Variants in BTLA observed in about 807,000 individuals in gnomAD.
BTLA encodes B and T lymphocyte associated.
A neutral mutation model predicts 25.0 loss-of-function variants in BTLA; 11 were observed. That is an observed-to-expected ratio of 0.44 (90% CI 0.28 to 0.73). The LOEUF (loss-of-function observed/expected upper bound fraction) is 0.73, where lower values mean the gene tolerates loss of function less well. BTLA is among the 30% of genes least tolerant of loss of function. BTLA has a pLI of 0.15. For missense variants in BTLA, 282 were observed against 332.8 expected, an observed-to-expected ratio of 0.85 and a Z score of 1.19; for synonymous variants, 104 against 119.8, an observed-to-expected ratio of 0.87 and a Z score of 0.86.
At chr3:112,474,808 G>A (rs1292351448) in intron 2 of BTLA, among the ~76,000 whole-genome samples, 2 of 152,188 alleles carry the variant, frequency 1.3e-5, no homozygotes, top group African/African-American at 2.4e-5. Context: ...GGCAATGATG[G>A]AGATGTGGTT....
chr3:112,494,098 A>C (rs1478283752), intron 1 of BTLA, among the ~76,000 whole-genome samples: 1 of 152,110 alleles, frequency 6.6e-6, no homozygotes, highest in East Asian at 1.9e-4. Flanking sequence ...CGACAGAGCG[A>C]CACTCTATCT....
At chr3:112,497,528 G>A (rs2082415900) in intron 1 of BTLA, among the ~76,000 whole-genome samples, 1 of 152,188 alleles carries the variant, frequency 6.6e-6, no homozygotes, top group African/African-American at 2.4e-5. Context: ...ATTTCATAGA[G>A]AGTAGTTTAT....
intron 2 of BTLA, among the ~76,000 whole-genome samples, chr3:112,472,929 T>A (rs959281543): frequency 6.6e-6 from 1 of 151,884 alleles, no homozygotes; most frequent in African/African-American, 2.4e-5. Context: ...TGGATAGCAA[T>A]GGGGACTAAG....
At chr3:112,466,421 C>CG in intron 4 of BTLA, 38 bp from the exon 5 acceptor site, 1 of 1,514,066 alleles carries the variant, frequency 6.6e-7, no homozygotes, top group Middle Eastern at 2.1e-4. Flanking sequence ...GTGACACTTA[C>CG]GGCCATGGTA....
rs779558882 is a variant in BTLA at position 112,479,551 on chromosome 3, C to T, written c.307G>A (p.Glu103Lys). The T allele has an allele frequency of 1.2e-6, 2 of 1,614,024 alleles. No homozygotes were observed. Among genetic ancestry groups the T allele is most frequent in the Non-Finnish European group, 1.7e-6 (2 of 1,179,926 alleles). ...CCATTGTCATTAGGAAGCACTGGTT[C>T]AAAATGTAGAATGAAAAATGAAATG... ...KNISFFILHF[E>K]PVLPNDNGSY... The change falls in exon 2 of 5, where the codon GAA becomes AAA. Residue 103 changes from glutamate to lysine, a missense_variant. Transcript: ENST00000334529.
chr3:112,469,601 G>T (rs1275348435), intron 4 of BTLA, among the ~76,000 whole-genome samples, 157 bp downstream of exon 4: 1 of 61,710 alleles, frequency 1.6e-5, no homozygotes, highest in African/African-American at 6.6e-5. Context: ...TTAAAAATGG[G>T]TCTATGTATA....
At chr3:112,469,151 A>G (rs1452366723) in intron 4 of BTLA, among the ~76,000 whole-genome samples, 2 of 152,170 alleles carry the variant, frequency 1.3e-5, no homozygotes, top group South Asian at 2.1e-4. Flanking sequence ...AGAAAAGCCT[A>G]CATTTACATT....
rs143814613 is a variant in BTLA, at chr3:112,467,793, G to A, written c.595-1410C>T. 3.7e-3 allele frequency among the ~76,000 whole-genome samples: 561 copies of A among 152,326 alleles called. 3 individuals are homozygous for A. The highest frequency in any genetic ancestry group is 0.013 in the African/African-American group (528 of 41,566). On this transcript the variant is annotated intron_variant, in intron 4 of 4. Coordinates refer to ENST00000334529, the MANE Select transcript of BTLA (RefSeq NM_181780.4). ...TCCCAACTCCACTGAAAAGAGCCTG[G>A]TTGAGGTCAGTAGGTGGCACACTAA...
At chr3:112,487,816 C>T (rs1195620597) in intron 1 of BTLA, among the ~76,000 whole-genome samples, 2 of 152,088 alleles carry the variant, frequency 1.3e-5, no homozygotes, top group Non-Finnish European at 1.5e-5. Flanking sequence ...GCTTTCAGAT[C>T]CCTCAAGAGG....
intron 4 of BTLA, among the ~76,000 whole-genome samples, chr3:112,469,179 G>C (rs1352445163): frequency 6.6e-6 from 1 of 152,072 alleles, no homozygotes; most frequent in Non-Finnish European, 1.5e-5. Context: ...TTATAGGAAA[G>C]ATTGACTCCA....
intron 1 of BTLA, among the ~76,000 whole-genome samples, chr3:112,488,267 G>A (rs183993290): frequency 0.021 from 2,577 of 123,542 alleles, 33 homozygotes; most frequent in Middle Eastern, 0.05. Context: ...TCGCTCTGTC[G>A]CCCAGGCTGG....
intron 2 of BTLA, among the ~76,000 whole-genome samples, chr3:112,476,219 T>C (rs1225016374): frequency 6.6e-6 from 1 of 152,212 alleles, no homozygotes; most frequent in Non-Finnish European, 1.5e-5. Flanking sequence ...CTTCACGCTA[T>C]ATTTGCAAAA....
intron 1 of BTLA, among the ~76,000 whole-genome samples, chr3:112,491,192 G>A (rs1026517510): frequency 6.6e-6 from 1 of 152,134 alleles, no homozygotes; most frequent in Non-Finnish European, 1.5e-5. Flanking sequence ...TAGAGGTCAT[G>A]AGGTCAGATG....
rs2082214391 is a variant in BTLA, at chr3:112,464,511, G to C, written c.*1597C>G. Reference sequence around the variant, plus strand: ...CTCGAATTGGTTGCTTGAAATTCTAGGTGTAATTGGCAAAATAACAGTGAC... The same window carrying C: ...CTCGAATTGGTTGCTTGAAATTCTACGTGTAATTGGCAAAATAACAGTGAC... On this transcript the variant is annotated 3_prime_UTR_variant, in exon 5 of 5. Coordinates refer to ENST00000334529, the MANE Select transcript of BTLA (RefSeq NM_181780.4). 1 of 211,224 alleles carries C rather than the reference G, an allele frequency of 4.7e-6. No homozygotes were observed. Among genetic ancestry groups the C allele is most frequent in the Non-Finnish European group, 9.3e-6 (1 of 107,596 alleles). 13.1% of individuals were successfully genotyped at this position (211,224 alleles called of 1,614,324 possible).
At chr3:112,479,001 G>T (rs1236295850) in intron 2 of BTLA, among the ~76,000 whole-genome samples, 1 of 151,562 alleles carries the variant, frequency 6.6e-6, no homozygotes, top group East Asian at 1.9e-4. Flanking sequence ...GAACTATTAA[G>T]AAGTGTTTAA....
At chr3:112,480,538 CA>C (rs1358063584) in intron 1 of BTLA, among the ~76,000 whole-genome samples, 6 of 152,190 alleles carry the variant, frequency 3.9e-5, no homozygotes, top group African/African-American at 1.4e-4. Context: ...CAGCATCTAG[CA>C]AAGGCCTTTG....
chr3:112,479,797 A>G, intron 1 of BTLA, 28 bp from the exon 2 acceptor site: 1 of 1,517,458 alleles, frequency 6.6e-7, no homozygotes, highest in South Asian at 1.2e-5. Flanking sequence ...AACTAAAATC[A>G]AATATGTTCT....
rs2082224682 is a variant in BTLA, at chr3:112,466,114, C to T, written c.864G>A (p.Arg288=). Residue 288 remains arginine (R), a synonymous_variant, in exon 5 of 5, where the codon AGG becomes AGA. Coordinates refer to ENST00000334529, the MANE Select transcript of BTLA (RefSeq NM_181780.4). ...GTTGGAGTCAGAAACAGACTTAACT[C>T]CTCACACATATGGATGCATATTCTG... The part of the protein sequence containing the change: ...APTEYASICV[R]S 6.3e-7 allele frequency: 1 copy of T among 1,590,106 alleles called. No homozygotes were observed. Among genetic ancestry groups the T allele is most frequent in the African/African-American group, 1.3e-5 (1 of 74,676 alleles).
chr3:112,472,267 T>C (rs1000627787), intron 2 of BTLA, among the ~76,000 whole-genome samples: 2 of 152,236 alleles, frequency 1.3e-5, no homozygotes, highest in East Asian at 1.9e-4. Flanking sequence ...CTCTGTCTTA[T>C]GGTTAAGTAT....
Sources: allele counts gnomAD v4.1 joint callset (sites outside exome capture counted in the v4.1 genomes callset), GRCh38; gene constraint gnomAD v4.1.1; transcripts MANE v1.5; gene names NCBI Gene and HGNC (gene_info 2026-07-23, HGNC 2026-07-21).